ST7: variants seen among roughly 807,000 people sequenced by gnomAD.
The protein encoded by ST7 is suppression of tumorigenicity 7.
Under a neutral mutation model 78.7 loss-of-function variants are expected in ST7, and 28 were observed. The observed-to-expected ratio is 0.36, with a 90% CI of 0.26 to 0.49. The LOEUF (loss-of-function observed/expected upper bound fraction) is 0.49, where lower values mean the gene tolerates loss of function less well. ST7 is among the 20% of genes least tolerant of loss of function. ST7 has a pLI of 0.99. For synonymous variants in ST7, 247 were observed against 249.6 expected, an observed-to-expected ratio of 0.99 and a Z score of 0.10; for missense variants, 418 against 696.0, an observed-to-expected ratio of 0.60 and a Z score of 4.49.
intron 4 of ST7, 50 bp from the exon 5 acceptor site, chr7:117,130,441 C>T (rs1563105450): frequency 7.3e-7 from 1 of 1,366,984 alleles, no homozygotes. Flanking sequence ...TTTTATAGGT[C>T]TTGCTTTTCT....
chr7:116,992,409 T>A (rs1344604238), intron 1 of ST7, among the ~76,000 whole-genome samples: 1 of 152,214 alleles, frequency 6.6e-6, no homozygotes, highest in Non-Finnish European at 1.5e-5. Context: ...TTCAACACCA[T>A]GTGGAAGCTT....
chr7:117,189,382 T>G lies in ST7; in HGVS notation c.1140T>G (p.Ala380=). 1 of 1,604,416 alleles carries G rather than the reference T, an allele frequency of 6.2e-7. No individual in the cohort carries two copies. Residue 380 remains alanine, a synonymous_variant, in exon 11 of 16, where the codon GCT becomes GCG. Coordinates refer to ENST00000323984, the MANE Select transcript of ST7 (RefSeq NM_001369598.1). The part of the protein sequence containing the change: ...CYTAALLKAR[A]VSDKFSPEAA... ...CAGCTGCTTTGCTCAAAGCAAGAGCTGTCTCTGACAAGTAAGTGAATAATA... is the reference window on the plus strand; with the variant it reads ...CAGCTGCTTTGCTCAAAGCAAGAGCGGTCTCTGACAAGTAAGTGAATAATA...
At chr7:117,118,312 G>A (rs1803063351) in intron 2 of ST7, 1 of 152,222 alleles carries the variant, frequency 6.6e-6, no homozygotes, top group South Asian at 2.1e-4. Context: ...AGCATTTCAT[G>A]TAAGGGATAC....
At chr7:117,222,862 T>A (rs147139329) in intron 15 of ST7, 11 of 1,613,422 alleles carry the variant, frequency 6.8e-6, no homozygotes, top group Non-Finnish European at 9.3e-6. Flanking sequence ...CCTTTCCAGA[T>A]GATTGACATT....
chr7:116,976,546 A>T (rs1793714307), intron 1 of ST7, among the ~76,000 whole-genome samples: 1 of 152,196 alleles, frequency 6.6e-6, no homozygotes, highest in Non-Finnish European at 1.5e-5. Context: ...GCCAAGTGGA[A>T]ATATGTAAAA....
intron 10 of ST7, 130 bp from the exon 11 acceptor site, chr7:117,189,191 T>C (rs1809552529): frequency 3.8e-6 from 2 of 531,024 alleles, no homozygotes; most frequent in African/African-American, 1.9e-5. Flanking sequence ...TCTTGTGTAA[T>C]GTCTGTATTA....
chr7:117,169,294 C>A (rs997605900), intron 9 of ST7, among the ~76,000 whole-genome samples: 2 of 151,914 alleles, frequency 1.3e-5, no homozygotes, highest in African/African-American at 4.8e-5. Flanking sequence ...TGTCACCATG[C>A]CTGACTAATT....
chr7:116,963,242 A>G (rs919250208), intron 1 of ST7, among the ~76,000 whole-genome samples: 7 of 152,186 alleles, frequency 4.6e-5, no homozygotes, highest in African/African-American at 1.2e-4. Context: ...TCTCAACATC[A>G]TTATTGTATT....
chr7:117,208,902 G>GGTGTGTGTGTGT (rs58017025), intron 12 of ST7, among the ~76,000 whole-genome samples: 1 of 139,888 alleles, frequency 7.1e-6, no homozygotes, highest in East Asian at 2.1e-4. Context: ...TGTATGTGTG[G>GGTGTGTGTGTGT]GTGTGTGTGT....
chr7:117,112,883 AT>A (rs1802546277), intron 2 of ST7, among the ~76,000 whole-genome samples: 1 of 152,194 alleles, frequency 6.6e-6, no homozygotes, highest in African/African-American at 2.4e-5. Context: ...ACCTTGTCAA[AT>A]TACAGCTTCT....
intron 1 of ST7, chr7:117,090,666 T>C (rs991024386): frequency 1.8e-5 from 3 of 166,040 alleles, no homozygotes; most frequent in African/African-American, 7.2e-5. Context: ...TGTAAAATAG[T>C]CTTCAATCAT....
At chr7:116,999,915 A>G (rs949272155) in intron 1 of ST7, among the ~76,000 whole-genome samples, 12 of 142,286 alleles carry the variant, frequency 8.4e-5, no homozygotes, top group Admixed American at 5.4e-4. Flanking sequence ...GGTTCACGCC[A>G]TTCTCCTGCC....
intron 1 of ST7, among the ~76,000 whole-genome samples, chr7:117,037,265 T>C (rs1796945064): frequency 6.6e-6 from 1 of 152,222 alleles, no homozygotes; most frequent in Non-Finnish European, 1.5e-5. Flanking sequence ...ATGCCCTTAA[T>C]GCACAGCCCT....
At chr7:117,063,058 A>AT (rs1798439317) in intron 1 of ST7, among the ~76,000 whole-genome samples, 1 of 152,216 alleles carries the variant, frequency 6.6e-6, no homozygotes, top group African/African-American at 2.4e-5. Context: ...TAAAGAATTG[A>AT]TTTTTTTAAG....
chr7:117,068,177 T>C (rs1038448712), intron 1 of ST7, among the ~76,000 whole-genome samples: 9 of 152,230 alleles, frequency 5.9e-5, no homozygotes, highest in Non-Finnish European at 1.2e-4. Flanking sequence ...TTTTGGTAAA[T>C]ACTATTTCTA....
At chr7:117,078,849 C>T (rs1395746132) in intron 1 of ST7, among the ~76,000 whole-genome samples, 1 of 152,180 alleles carries the variant, frequency 6.6e-6, no homozygotes, top group Admixed American at 6.5e-5. Context: ...TAAGTCATGA[C>T]ACCAGCCCAC....
In ST7 at chr7:117,190,737, T is replaced by C; in HGVS notation, c.1152-97T>C. ...AGTTTGGAGAGCTCATGCTATTGGC[T>C]CACTGTGGTTTTATGGGCCCTAGAT... On this transcript the variant is annotated intron_variant, in intron 11 of 15. Transcript: ENST00000323984. The surrounding 1 kb of genome is among the most constrained non-coding windows in gnomAD (Gnocchi z 5.2). 1 of 916,978 alleles carries C rather than the reference T, an allele frequency of 1.1e-6. No individual in the cohort carries two copies. The highest frequency in any genetic ancestry group is 1.7e-6 in the Non-Finnish European group (1 of 574,532). 56.8% of individuals were successfully genotyped at this position (916,978 alleles called of 1,614,324 possible).
intron 1 of ST7, among the ~76,000 whole-genome samples, chr7:117,000,674 G>T (rs766087898): frequency 3.2e-4 from 48 of 152,178 alleles, no homozygotes; most frequent in Admixed American, 2.5e-3. Context: ...ACTTAAGATC[G>T]CAGGGAAATA....
rs137866535 is a variant in ST7 at position 117,193,150 on chromosome 7, T to TACACAC, written c.1254+2241_1254+2246dup. Among the ~76,000 whole-genome samples, 225 of 144,972 alleles carry TACACAC rather than the reference T, an allele frequency of 1.6e-3. 1 individual carries two copies. In the South Asian group the frequency reaches 0.018, roughly 12 times the overall value. ...GCTCTAAATATCTAACTTTAGCAGA[T>TACACAC]ACACACACACACACACACACACACA... is the stretch of plus-strand genomic sequence containing the variant. On this transcript the variant is annotated intron_variant, in intron 12 of 15. Transcript: ENST00000323984.
Sources: allele counts gnomAD v4.1 joint callset (sites outside exome capture counted in the v4.1 genomes callset), GRCh38; gene constraint gnomAD v4.1.1; non-coding constraint Gnocchi (gnomAD v3.1); transcripts MANE v1.5; gene names NCBI Gene and HGNC (gene_info 2026-07-23, HGNC 2026-07-21).